NDUFA8: variants seen among roughly 807,000 people sequenced by gnomAD.
The protein encoded by NDUFA8 is NADH dehydrogenase [ubiquinone] 1 alpha subcomplex subunit 8.
A neutral mutation model predicts 20.9 loss-of-function variants in NDUFA8; 16 were observed. That is an observed-to-expected ratio of 0.77 (90% CI 0.52 to 1.16). The LOEUF (loss-of-function observed/expected upper bound fraction) is 1.16. NDUFA8 is among the 50% of genes most tolerant of loss of function. The probability of loss-of-function intolerance (pLI) is 0.00; values close to 1 mark genes in which losing one functional copy is unlikely to be tolerated. For missense variants in NDUFA8, 202 were observed against 216.4 expected (o/e 0.93, Z 0.42); for synonymous variants, 70 against 76.1 (o/e 0.92, Z 0.41).
chr9:122,147,770 G>A (rs1828927690), intron 3 of NDUFA8, among the ~76,000 whole-genome samples: 1 of 151,902 alleles, frequency 6.6e-6, no homozygotes, highest in Non-Finnish European at 1.5e-5. Context: ...GGGACTACAG[G>A]CGCCCACCAC....
intron 3 of NDUFA8, among the ~76,000 whole-genome samples, chr9:122,145,541 T>C (rs553956686): frequency 2.0e-5 from 3 of 152,350 alleles, no homozygotes; most frequent in African/African-American, 7.2e-5. Flanking sequence ...CAGATTCATC[T>C]TCCTAGATGT....
chr9:122,156,215 AAAC>A (rs1470732839), intron 1 of NDUFA8, among the ~76,000 whole-genome samples: 1 of 152,222 alleles, frequency 6.6e-6, no homozygotes, highest in Non-Finnish European at 1.5e-5. Flanking sequence ...TCTTTGTCTC[AAAC>A]AACACAGAAT....
the NDUFA8 span, among the ~76,000 whole-genome samples, chr9:122,133,458 T>G: frequency 6.6e-6 from 1 of 152,154 alleles, no homozygotes; most frequent in African/African-American, 2.4e-5. Context: ...GAGGCCAGGC[T>G]TGAGACCTAG....
intron 3 of NDUFA8, 66 bp downstream of exon 3, chr9:122,148,046 G>A: frequency 1.3e-6 from 2 of 1,596,378 alleles, no homozygotes; most frequent in Non-Finnish European, 1.7e-6. Flanking sequence ...ACCCTTTGCT[G>A]ACCACCTCCT....
At chr9:122,133,220 G>C in the NDUFA8 span, among the ~76,000 whole-genome samples, 1 of 152,166 alleles carries the variant, frequency 6.6e-6, no homozygotes. Flanking sequence ...GACCATTCTT[G>C]ATTTCTGCTT....
At chr9:122,149,233 A>G (rs1244612136) in intron 2 of NDUFA8, among the ~76,000 whole-genome samples, 1 of 152,222 alleles carries the variant, frequency 6.6e-6, no homozygotes, top group Non-Finnish European at 1.5e-5. Context: ...TTAAGGAAGT[A>G]TACAGTGAAA....
chr9:122,144,081 C>A lies in NDUFA8; in HGVS notation c.*160G>T. ...CGTTTCCTTTAAAAATTTTAATGGA[C>A]AGGAAATGGTATAGAATAACTGCCA... On this transcript the variant is annotated 3_prime_UTR_variant, in exon 4 of 4. Transcript: ENST00000373768. 1 of 1,482,942 alleles carries A rather than the reference C, an allele frequency of 6.7e-7. No individual in the cohort carries two copies. 91.9% of individuals were successfully genotyped at this position (1,482,942 alleles called of 1,614,324 possible).
At chr9:122,151,537 G>GT (rs4147665) in intron 2 of NDUFA8, among the ~76,000 whole-genome samples, 7,446 of 152,294 alleles carry the variant, frequency 0.049, 272 homozygotes, top group Non-Finnish European at 0.066. Context: ...GTACAGCAAG[G>GT]TGAGAGTCTT....
At chr9:122,151,822 G>A (rs1400816441) in intron 2 of NDUFA8, among the ~76,000 whole-genome samples, 1 of 152,104 alleles carries the variant, frequency 6.6e-6, no homozygotes, top group Non-Finnish European at 1.5e-5. Flanking sequence ...AATGACCTAC[G>A]TAAAACCTAA....
At position 122,144,281 on chromosome 9, in the gene NDUFA8, G is replaced by C; in HGVS notation, c.479C>G (p.Pro160Arg). The change falls in exon 4 of 4, where the codon CCT (proline) becomes CGT (arginine). Residue 160 changes from proline (P) to arginine (R), a missense_variant. Transcript: ENST00000373768. ...PSPEIEGDLQPATHGSRFYFW... is the reference protein window; with the variant it reads ...PSPEIEGDLQRATHGSRFYFW... ...ATAAAAGCGGCTGCCATGTGTGGCA[G>C]GCTGCAGATCTCCCTCGATCTCAGG... The C allele has an allele frequency of 6.2e-7, 1 of 1,614,144 alleles. No individual in the cohort carries two copies. Among genetic ancestry groups the C allele is most frequent in the Non-Finnish European group, 8.5e-7 (1 of 1,180,022 alleles).
At chr9:122,138,147 A>G in the NDUFA8 span, among the ~76,000 whole-genome samples, 2 of 152,204 alleles carry the variant, frequency 1.3e-5, no homozygotes, top group Non-Finnish European at 2.9e-5. Flanking sequence ...AAGGAACAGT[A>G]TTATCATTTT....
At chr9:122,133,754 G>A in the NDUFA8 span, among the ~76,000 whole-genome samples, 1,133 of 152,356 alleles carry the variant, frequency 7.4e-3, 10 homozygotes, top group African/African-American at 0.024. Flanking sequence ...GCCCCAGGGC[G>A]AGCGCGTGAG....
rs1438471060 is a variant in NDUFA8 at position 122,159,522 on chromosome 9, A to AG, written c.51+104dup. The AG allele has an allele frequency of 4.4e-5, 62 of 1,393,964 alleles. No homozygotes were observed. In the South Asian group the frequency reaches 6.7e-4, roughly 15 times the overall value. 86.3% of individuals were successfully genotyped at this position (1,393,964 alleles called of 1,614,324 possible). A position where few individuals can be genotyped will look rare whatever the true frequency, so the allele number is the denominator to read the frequency against. On this transcript the variant is annotated intron_variant, in intron 1 of 3. Transcript: ENST00000373768. ...CTGTATATGCGTTGGAGGACTGGGG[A>AG]GGGGGGCCCGGGTCCCAGGATCCGC...
chr9:122,157,675 G>GA (rs1829095027), intron 1 of NDUFA8, among the ~76,000 whole-genome samples: 1 of 151,858 alleles, frequency 6.6e-6, no homozygotes, highest in Non-Finnish European at 1.5e-5. Context: ...GGGGGCAGGG[G>GA]GGTGGTTCGC....
intron 2 of NDUFA8, among the ~76,000 whole-genome samples, chr9:122,149,881 C>T (rs1828965467): frequency 6.6e-6 from 1 of 151,994 alleles, no homozygotes; most frequent in Admixed American, 6.6e-5. Context: ...CGCTTGAACC[C>T]AGGAGGCAGA....
chr9:122,140,381 C>A (rs1170901298), downstream of NDUFA8, among the ~76,000 whole-genome samples: 1 of 152,064 alleles, frequency 6.6e-6, no homozygotes, highest in East Asian at 1.9e-4. Flanking sequence ...CATTTCAGGG[C>A]ATAAAAAAAA....
At chr9:122,135,714 C>T in the NDUFA8 span, among the ~76,000 whole-genome samples, 25 of 152,142 alleles carry the variant, frequency 1.6e-4, no homozygotes, top group Non-Finnish European at 2.5e-4. Flanking sequence ...CTCAGCCTCC[C>T]GAGTAGCTGG....
rs1406555538 is a variant in NDUFA8, at chr9:122,150,881, T to A, written c.215+1364A>T. 2.0e-5 allele frequency among the ~76,000 whole-genome samples: 3 copies of A among 146,478 alleles called. No individual in the cohort carries two copies. In the East Asian group the frequency reaches 6.0e-4, roughly 30 times the overall value. On this transcript the variant is annotated intron_variant, in intron 2 of 3. Transcript: ENST00000373768. ...CAGCTATTCAGGAGGCTGAGACATG[T>A]GACTCGCTTGAAGCCAGGAGGCAGA... is the stretch of plus-strand genomic sequence containing the variant.
At chr9:122,159,376 G>A (rs1021024883) in intron 1 of NDUFA8, among the ~76,000 whole-genome samples, 1 of 152,202 alleles carries the variant, frequency 6.6e-6, no homozygotes, top group African/African-American at 2.4e-5. Context: ...CACGGAAGGA[G>A]AAATAGGTCG....
Sources: allele counts gnomAD v4.1 joint callset (sites outside exome capture counted in the v4.1 genomes callset), GRCh38; gene constraint gnomAD v4.1.1; transcripts MANE v1.5; gene names NCBI Gene and HGNC (gene_info 2026-07-23, HGNC 2026-07-21).